The following UNC79 variants were observed in gnomAD, a reference collection of about 807,000 sequenced individuals.
The protein encoded by UNC79 is unc-79 subunit of NALCN channel complex.
UNC79 carries 37 observed loss-of-function variants against 283.1 expected under a neutral mutation model. The observed-to-expected ratio is 0.13, with a 90% CI of 0.10 to 0.17. UNC79 has a LOEUF of 0.17. Among genes scored for constraint, UNC79 ranks in the 10% least tolerant of loss-of-function variants. The pLI, the probability that UNC79 is intolerant of heterozygous loss-of-function variation, is 1.00. For missense variants in UNC79, 2,272 were observed against 3,211.1 expected (o/e 0.71, Z 7.07); for synonymous variants, 1,107 against 1,200.2 (o/e 0.92, Z 1.61).
At chr14:93,407,427 G>A (rs2055248762) in intron 1 of UNC79, among the ~76,000 whole-genome samples, 1 of 152,142 alleles carries the variant, frequency 6.6e-6, no homozygotes, top group Non-Finnish European at 1.5e-5. Context: ...AAACTCTTGA[G>A]GGCCTAGACT....
At chr14:93,642,692 C>CT (rs1566841349) in intron 33 of UNC79, among the ~76,000 whole-genome samples, 2 of 152,084 alleles carry the variant, frequency 1.3e-5, no homozygotes, top group Non-Finnish European at 2.9e-5. Flanking sequence ...CATTTCTTTT[C>CT]TTTTTTACTT....
In UNC79 at chr14:93,531,931, T is replaced by C. The variant is rs1166724165; in HGVS notation, c.1094-619T>C. Among the ~76,000 whole-genome samples, 1 of 152,196 alleles carries C rather than the reference T, an allele frequency of 6.6e-6. No homozygotes were observed. The highest frequency in any genetic ancestry group is 1.5e-5 in the Non-Finnish European group (1 of 68,034). ...TGTTTGGCTTTAACAAGATTTGATT[T>C]CTAAGTCATGTCTGAAAAGATTAAA... On this transcript the variant is annotated intron_variant, in intron 10 of 48. Coordinates refer to ENST00000555664, the Ensembl canonical transcript of UNC79. The surrounding 1 kb of genome is among the most constrained non-coding windows in gnomAD (Gnocchi z 4.2).
intron 14 of UNC79, among the ~76,000 whole-genome samples, chr14:93,543,615 C>T (rs1187495818): frequency 6.6e-6 from 1 of 152,122 alleles, no homozygotes; most frequent in African/African-American, 2.4e-5. Flanking sequence ...GATCTTTCTG[C>T]CTCAGCCTCC....
At chr14:93,513,189 C>T (rs1434075875) in intron 7 of UNC79, among the ~76,000 whole-genome samples, 28 of 126,356 alleles carry the variant, frequency 2.2e-4, no homozygotes, top group African/African-American at 7.1e-4. Context: ...CTCCCTCCCT[C>T]CCTTCCTTCC....
At chr14:93,529,173 T>A in intron 9 of UNC79, 113 bp from the exon 10 acceptor site, 1 of 1,020,124 alleles carries the variant, frequency 9.8e-7, no homozygotes, top group Non-Finnish European at 1.4e-6. Flanking sequence ...TGCTCTTAAT[T>A]ATACTTCCTT....
exon 26 of UNC79, chr14:93,603,376 A>G: frequency 6.2e-7 from 1 of 1,614,156 alleles, no homozygotes; most frequent in Non-Finnish European, 8.5e-7. Flanking sequence ...TGTGGAATCC[A>G]AGAGGGCGCT....
intron 14 of UNC79, among the ~76,000 whole-genome samples, chr14:93,560,511 G>A (rs2062478167): frequency 6.6e-6 from 1 of 152,116 alleles, no homozygotes; most frequent in African/African-American, 2.4e-5. Context: ...TCGTGATAGA[G>A]GTTGAAATGC....
At chr14:93,610,659 G>A (rs2066236088) in intron 26 of UNC79, among the ~76,000 whole-genome samples, 2 of 150,666 alleles carry the variant, frequency 1.3e-5, no homozygotes, top group African/African-American at 4.9e-5. Flanking sequence ...TGCCCAGGCT[G>A]GAGTAGAGTG....
intron 35 of UNC79, among the ~76,000 whole-genome samples, chr14:93,651,884 A>G (rs997463130): frequency 2.7e-5 from 4 of 145,760 alleles, no homozygotes; most frequent in African/African-American, 1.0e-4. Flanking sequence ...GGATTATAGC[A>G]TGCACCACCA....
At chr14:93,477,661 C>A in exon 4 of UNC79, 1 of 1,613,446 alleles carries the variant, frequency 6.2e-7, no homozygotes, top group South Asian at 1.1e-5. Context: ...CGTTGGCTAC[C>A]TTTCCTCCAT....
At chr14:93,669,001 A>T (rs1197592659) in intron 40 of UNC79, among the ~76,000 whole-genome samples, 1 of 151,158 alleles carries the variant, frequency 6.6e-6, no homozygotes, top group Admixed American at 6.6e-5. Context: ...AAAAAAAAAA[A>T]AGAATATGCA....
rs1328658301 is a variant in UNC79, at chr14:93,681,660, G to A, written c.6742-957G>A. 2.0e-5 allele frequency among the ~76,000 whole-genome samples: 3 copies of A among 152,198 alleles called. No homozygotes were observed. The East Asian group carries it at 5.8e-4, about 29-fold the overall frequency. On this transcript the variant is annotated intron_variant, in intron 41 of 48. Transcript: ENST00000555664. ...TGCTGAAACTTCTGAACTCTGCACA[G>A]CAGCAGTTTCAGGTCCCAAAGTTGT...
intron 39 of UNC79, among the ~76,000 whole-genome samples, chr14:93,660,561 A>ATGTG (rs1351937848): frequency 7.2e-5 from 6 of 83,216 alleles, no homozygotes; most frequent in Admixed American, 1.2e-4. Context: ...ATATATATAT[A>ATGTG]TATGTGTGTG....
intron 1 of UNC79, among the ~76,000 whole-genome samples, chr14:93,404,111 T>C (rs1373822291): frequency 2.6e-5 from 4 of 152,008 alleles, no homozygotes; most frequent in African/African-American, 9.7e-5. Flanking sequence ...TAAAATGCAT[T>C]GGTAAATTTA....
intron 23 of UNC79, among the ~76,000 whole-genome samples, chr14:93,594,513 G>T (rs2064921304): frequency 6.6e-6 from 1 of 152,090 alleles, no homozygotes; most frequent in African/African-American, 2.4e-5. Flanking sequence ...CAGGTGATCT[G>T]CCCACCTTGG....
At chr14:93,694,263 G>A in intron 46 of UNC79, 72 bp from the exon 50 acceptor site, 2 of 1,434,644 alleles carry the variant, frequency 1.4e-6, no homozygotes, top group Non-Finnish European at 2.0e-6. Flanking sequence ...TCGGTCTTCT[G>A]CGGCTGCAAA....
chr14:93,362,384 T>C (rs1440359431), intron 1 of UNC79, among the ~76,000 whole-genome samples: 2 of 152,148 alleles, frequency 1.3e-5, no homozygotes, highest in East Asian at 1.9e-4. Context: ...AGTCTCATTC[T>C]GTCACCCAGG....
intron 1 of UNC79, among the ~76,000 whole-genome samples, chr14:93,450,456 A>G (rs907859958): frequency 1.3e-5 from 2 of 152,180 alleles, no homozygotes; most frequent in Non-Finnish European, 2.9e-5. Flanking sequence ...ATTGCCCTCT[A>G]TGCCTGATAC....
At chr14:93,618,099 G>C (rs1450513063) in intron 28 of UNC79, 93 bp from the exon 30 acceptor site, 14 of 1,353,586 alleles carry the variant, frequency 1.0e-5, no homozygotes, top group Non-Finnish European at 1.4e-5. Context: ...TTATCCCCAA[G>C]AGATACTGCA....
Sources: allele counts gnomAD v4.1 joint callset (sites outside exome capture counted in the v4.1 genomes callset), GRCh38; gene constraint gnomAD v4.1.1; non-coding constraint Gnocchi (gnomAD v3.1); transcripts MANE v1.5; gene names NCBI Gene and HGNC (gene_info 2026-07-23, HGNC 2026-07-21).